PADI3: variants seen among roughly 807,000 people sequenced by gnomAD.
PADI3 encodes the protein protein-arginine deiminase type-3.
A neutral mutation model predicts 71.5 loss-of-function variants in PADI3; 53 were observed. The ratio of observed to expected loss-of-function variants is 0.74; its 90% CI spans 0.59 to 0.93. The LOEUF (loss-of-function observed/expected upper bound fraction) is 0.93, where lower values mean the gene tolerates loss of function less well. Among genes scored for constraint, PADI3 ranks in the 40% least tolerant of loss-of-function variants. The pLI is 0.00. For missense variants in PADI3, 821 were observed against 868.0 expected, an observed-to-expected ratio of 0.95 and a Z score of 0.68; for synonymous variants, 361 against 347.5, an observed-to-expected ratio of 1.04 and a Z score of -0.43.
chr1:17,250,178 G>A (rs2072948304), intron 1 of PADI3, among the ~76,000 whole-genome samples: 1 of 152,162 alleles, frequency 6.6e-6, no homozygotes, highest in Non-Finnish European at 1.5e-5. Flanking sequence ...TCAGGATACT[G>A]GGAGGGGAGG....
chr1:17,269,056 T>A (rs2073210567), intron 6 of PADI3, among the ~76,000 whole-genome samples: 1 of 151,940 alleles, frequency 6.6e-6, no homozygotes, highest in Non-Finnish European at 1.5e-5. Context: ...CTGCTAATTT[T>A]TTTTTTTTTG....
chr1:17,262,066 A>C, intron 2 of PADI3, 67 bp from the exon 3 acceptor site: 21 of 1,414,294 alleles, frequency 1.5e-5, no homozygotes, highest in Non-Finnish European at 1.7e-5. Flanking sequence ...CAGATCCCCG[A>C]GAGCTATCTT....
At chr1:17,252,050 G>T (rs770998676) in intron 1 of PADI3, among the ~76,000 whole-genome samples, 1 of 152,198 alleles carries the variant, frequency 6.6e-6, no homozygotes, top group Non-Finnish European at 1.5e-5. Context: ...TTATCTTCTT[G>T]CCTTTCCATG....
Position 17,273,849 on chromosome 1 carries a change from G to A in PADI3, c.1155+402G>A, listed in dbSNP as rs2073289218. ...TTACTTACATGCTGTGTGATGTTGC[G>A]TGAGTTACTACCGCTCTCTGAGCCT... is the stretch of plus-strand genomic sequence containing the variant. On this transcript the variant is annotated intron_variant, in intron 10 of 15. Coordinates refer to ENST00000375460, the MANE Select transcript of PADI3 (RefSeq NM_016233.2). 3.3e-5 allele frequency among the ~76,000 whole-genome samples: 5 copies of A among 152,214 alleles called. No individual in the cohort carries two copies. In the South Asian group the frequency reaches 6.2e-4, roughly 19 times the overall value.
chr1:17,283,167 C>A lies in PADI3; in HGVS notation c.*88C>A. 2.1e-6 allele frequency: 2 copies of A among 951,094 alleles called. No individual in the cohort carries two copies. The highest frequency in any genetic ancestry group is 1.5e-5 in the South Asian group (1 of 65,884). 58.9% of individuals were successfully genotyped at this position (951,094 alleles called of 1,614,324 possible). A position where few individuals can be genotyped will look rare whatever the true frequency, so the allele number is the denominator to read the frequency against. On this transcript the variant is annotated 3_prime_UTR_variant, in exon 16 of 16. Coordinates refer to ENST00000375460, the MANE Select transcript of PADI3 (RefSeq NM_016233.2). The stretch of plus-strand genomic sequence containing the variant: ...AGACAGGCCCCTGAACGATAAGCAC[C>A]AAGAGACCCCAAGGCTCCAGATGGA...
chr1:17,280,841 C>T (rs375575150), intron 15 of PADI3, 45 bp downstream of exon 15: 1 of 1,605,442 alleles, frequency 6.2e-7, no homozygotes, highest in Non-Finnish European at 8.5e-7. Flanking sequence ...AGGCTGCAAA[C>T]CTCTAAGCTC....
intron 1 of PADI3, among the ~76,000 whole-genome samples, chr1:17,253,190 C>T (rs1246007731): frequency 1.3e-5 from 2 of 152,146 alleles, no homozygotes; most frequent in Non-Finnish European, 2.9e-5. Flanking sequence ...GGGCTTGTGG[C>T]GCCTCTGTGC....
rs372305068 is a variant in PADI3, at chr1:17,271,213, C to A, written c.1047+35C>A. 2.5e-6 allele frequency: 4 copies of A among 1,576,144 alleles called. No individual in the cohort carries two copies. In the East Asian group the frequency reaches 9.0e-5, roughly 35 times the overall value. On this transcript the variant is annotated intron_variant, in intron 9 of 15. Transcript: ENST00000375460. ...GCCACTGGGCAGGGCCCAGCAAGGA[C>A]GCCATCCTGGAGAGAGAGGCCTTCA... is the stretch of plus-strand genomic sequence containing the variant.
chr1:17,259,273 G>C (rs140310293), intron 1 of PADI3, among the ~76,000 whole-genome samples: 12,163 of 152,208 alleles, frequency 0.08, 578 homozygotes, highest in South Asian at 0.2. Context: ...GTTTCACCAT[G>C]TTGGCCAGGC....
At chr1:17,265,462 C>G (rs2073155495) in intron 3 of PADI3, among the ~76,000 whole-genome samples, 197 bp from the exon 4 acceptor site, 1 of 152,112 alleles carries the variant, frequency 6.6e-6, no homozygotes, top group African/African-American at 2.4e-5. Flanking sequence ...AGCATTTGTC[C>G]TGGGCCTTTG....
chr1:17,250,812 G>A (rs893693158), intron 1 of PADI3, among the ~76,000 whole-genome samples: 9 of 152,220 alleles, frequency 5.9e-5, no homozygotes, highest in African/African-American at 1.7e-4. Flanking sequence ...ATGTGTCTCC[G>A]GTTTGACCTG....
chr1:17,270,447 G>T, intron 7 of PADI3, 36 bp downstream of exon 7: 1 of 1,579,628 alleles, frequency 6.3e-7, no homozygotes. Flanking sequence ...AGCTCCACTC[G>T]GGACCAGCCT....
intron 11 of PADI3, 100 bp downstream of exon 11, chr1:17,274,886 C>T: frequency 3.3e-6 from 4 of 1,219,728 alleles, no homozygotes; most frequent in Non-Finnish European, 4.6e-6. Context: ...TGAAGAGAGC[C>T]AGAAGCAAGG....
In PADI3 at chr1:17,259,803, A is replaced by T. The variant is rs369790885; in HGVS notation, c.273+45A>T. The T allele has an allele frequency of 7.6e-5, 116 of 1,523,704 alleles. No individual in the cohort carries two copies. The African/African-American group carries it at 1.4e-3, about 19-fold the overall frequency. The allele number at this position is 1,523,704 out of a possible 1,614,324, so 94.4% of individuals were successfully genotyped here. On this transcript the variant is annotated intron_variant, in intron 2 of 15. Coordinates refer to ENST00000375460, the MANE Select transcript of PADI3 (RefSeq NM_016233.2). ...GGTGGGGAGAGGTTTCGAGGGAGGCAGCTGTCTAGCTCTAGGAGGGCCCAA... is the reference window on the plus strand; with the variant it reads ...GGTGGGGAGAGGTTTCGAGGGAGGCTGCTGTCTAGCTCTAGGAGGGCCCAA...
At chr1:17,281,069 G>A (rs1275918905) in intron 15 of PADI3, among the ~76,000 whole-genome samples, 4 of 152,234 alleles carry the variant, frequency 2.6e-5, no homozygotes, top group African/African-American at 9.6e-5. Context: ...GATTGCATGA[G>A]GTCACGTGTG....
At chr1:17,251,128 G>A (rs866974567) in intron 1 of PADI3, among the ~76,000 whole-genome samples, 4 of 152,234 alleles carry the variant, frequency 2.6e-5, no homozygotes, top group African/African-American at 9.6e-5. Flanking sequence ...ACCATTCAGA[G>A]CCTTGAAGGA....
Position 17,280,856 on chromosome 1 carries a change from G to A in PADI3, c.1761+60G>A, listed in dbSNP as rs2073392177. ...AGGCTGCAAACCTCTAAGCTCGAGA[G>A]AGGAAAAATGTCTGGTCACAGTCAT... On this transcript the variant is annotated intron_variant, in intron 15 of 15. Transcript: ENST00000375460. 12 of 1,586,746 alleles carry A rather than the reference G, an allele frequency of 7.6e-6. No individual in the cohort carries two copies. The Admixed American group carries it at 2.1e-4, about 27-fold the overall frequency.
intron 1 of PADI3, among the ~76,000 whole-genome samples, chr1:17,250,275 G>A (rs958109698): frequency 2.0e-5 from 3 of 152,132 alleles, no homozygotes; most frequent in South Asian, 4.1e-4. Context: ...CTGCTGTCAC[G>A]ATACCTCTTT....
intron 1 of PADI3, among the ~76,000 whole-genome samples, chr1:17,255,811 C>A (rs2073020128): frequency 6.6e-6 from 1 of 152,126 alleles, no homozygotes; most frequent in Non-Finnish European, 1.5e-5. Flanking sequence ...CTCCTCATCC[C>A]CACCAGATAG....
Sources: gnomAD v4.1 joint callset for allele counts (sites outside exome capture counted in the v4.1 genomes callset) on GRCh38, gnomAD v4.1.1 for gene constraint, MANE v1.5 for transcripts, NCBI Gene and HGNC (gene_info 2026-07-23, HGNC 2026-07-21) for gene names.